Variants in ANKRD36C observed in about 807,000 individuals in gnomAD.
ANKRD36C encodes the protein ankyrin repeat domain 36C, also known as ankyrin repeat domain-containing protein 36C.
In ANKRD36C, 61 loss-of-function variants were observed where a neutral mutation model predicts 276.4. That is an observed-to-expected ratio of 0.22 (90% confidence interval 0.18 to 0.27). The LOEUF (loss-of-function observed/expected upper bound fraction) is 0.27, where lower values mean the gene tolerates loss of function less well. Among genes scored for constraint, ANKRD36C ranks in the 10% least tolerant of loss-of-function variants. ANKRD36C has a pLI of 1.00. For synonymous variants in ANKRD36C, 483 were observed against 680.1 expected (o/e 0.71, Z 4.51); for missense variants, 1,447 against 2,032.3 (o/e 0.71, Z 5.54).
intron 36 of ANKRD36C, 34 bp from the exon 39 acceptor site, chr2:95,916,205 C>G (rs748643708): frequency 1.9e-6 from 3 of 1,601,582 alleles, no homozygotes; most frequent in East Asian, 4.5e-5. Context: ...ATCACTCACT[C>G]GTAAATATGA....
At chr2:95,937,529 G>A (rs1183697610) in intron 22 of ANKRD36C, among the ~76,000 whole-genome samples, 18 of 150,338 alleles carry the variant, frequency 1.2e-4, no homozygotes, top group African/African-American at 4.3e-4. Context: ...GCATTATAGA[G>A]CATTTCTTCA....
At chr2:95,912,748 G>A (rs1179559082) in intron 40 of ANKRD36C, among the ~76,000 whole-genome samples, 5 of 151,384 alleles carry the variant, frequency 3.3e-5, no homozygotes, top group African/African-American at 4.8e-5. Flanking sequence ...AAAATCAGAG[G>A]AGCAACTCAT....
At chr2:95,921,313 A>G (rs1225322005) in intron 34 of ANKRD36C, among the ~76,000 whole-genome samples, 1 of 150,902 alleles carries the variant, frequency 6.6e-6, no homozygotes, top group African/African-American at 2.5e-5. Context: ...CTGTAGAATT[A>G]AAGCAAAACT....
intron 49 of ANKRD36C, 23 bp downstream of exon 69, chr2:95,888,069 A>C: frequency 6.2e-7 from 1 of 1,609,826 alleles, no homozygotes; most frequent in Non-Finnish European, 8.5e-7. Context: ...AATAGTTCAC[A>C]ATATAAATGA....
At chr2:95,859,218 G>A (rs1675502446) in intron 61 of ANKRD36C, among the ~76,000 whole-genome samples, 1 of 151,986 alleles carries the variant, frequency 6.6e-6, no homozygotes, top group African/African-American at 2.4e-5. Context: ...ATTTTTAGTA[G>A]AGATAGCATT....
intron 32 of ANKRD36C, 142 bp from the exon 33 acceptor site, chr2:95,921,952 G>C: frequency 1.1e-6 from 1 of 898,622 alleles, no homozygotes; most frequent in South Asian, 2.2e-5. Context: ...TAAGCCAGGA[G>C]CATGACAGAA....
intron 66 of ANKRD36C, 56 bp from the exon 87 acceptor site, chr2:95,851,251 T>C (rs1378791819): frequency 1.4e-5 from 17 of 1,206,712 alleles, no homozygotes; most frequent in Non-Finnish European, 1.8e-5. Context: ...GACATTATCA[T>C]GTAAACCCAC....
rs1324910628 is a variant in ANKRD36C at position 95,933,757 on chromosome 2, C to G, written c.1735+1697G>C. Among the ~76,000 whole-genome samples the G allele has an allele frequency of 2.7e-5, 4 of 146,286 alleles. No homozygotes were observed. The South Asian group carries it at 8.7e-4, about 32-fold the overall frequency. ...CTTCCTTTCTTCCTATTTGAATACC[C>G]TTTATTTTTTCCTCTTGTCTGATTG... On this transcript the variant is annotated intron_variant, in intron 24 of 66. Transcript: ENST00000456556.
exon 41 of ANKRD36C, chr2:95,912,408 T>C (rs1404325741): frequency 1.2e-6 from 2 of 1,604,334 alleles, no homozygotes. Context: ...TTTCATTACC[T>C]TCAAGGCTGG....
rs368211259 is a variant in ANKRD36C at position 95,902,799 on chromosome 2, C to T, written c.2654-3463G>A. ...ACTGCTGAATCAGAATGTGCAGCTT[C>T]AACGAGCCCCCCGCTGATTTATTCA... On this transcript the variant is annotated intron_variant, in intron 42 of 66. Transcript: ENST00000456556. The T allele has an allele frequency of 4.9e-6, 7 of 1,423,834 alleles. No individual in the cohort carries two copies. The East Asian group carries it at 7.7e-5, about 16-fold the overall frequency. 88.2% of individuals were successfully genotyped at this position (1,423,834 alleles called of 1,614,324 possible).
intron 20 of ANKRD36C, among the ~76,000 whole-genome samples, chr2:95,939,614 A>C: frequency 6.6e-6 from 1 of 152,312 alleles, no homozygotes; most frequent in South Asian, 2.1e-4. Context: ...CTGAGGCAGG[A>C]GAATGGCGTG....
chr2:95,894,832 G>C (rs1318795333), intron 44 of ANKRD36C, among the ~76,000 whole-genome samples: 1 of 151,156 alleles, frequency 6.6e-6, no homozygotes, highest in Non-Finnish European at 1.5e-5. Context: ...ATCAAATATT[G>C]TTTATGGAAA....
At chr2:95,849,022 T>G (rs1276340989), downstream of ANKRD36C, among the ~76,000 whole-genome samples, 1 of 152,120 alleles carries the variant, frequency 6.6e-6, no homozygotes, top group Admixed American at 6.5e-5. Flanking sequence ...TAATACAATT[T>G]TATTGTCTTT....
At chr2:95,971,267 T>A (rs541299482) in intron 6 of ANKRD36C, among the ~76,000 whole-genome samples, 3 of 139,612 alleles carry the variant, frequency 2.1e-5, no homozygotes, top group Non-Finnish European at 3.2e-5. Context: ...TTATTATACA[T>A]TTGTCCAGCT....
intron 26 of ANKRD36C, 99 bp downstream of exon 26, chr2:95,928,973 A>G: frequency 1.9e-6 from 3 of 1,554,176 alleles, no homozygotes; most frequent in South Asian, 2.3e-5. Context: ...CTGAATCAGA[A>G]CATGCAGCTT....
At chr2:95,913,380 A>G (rs1676992528) in intron 40 of ANKRD36C, among the ~76,000 whole-genome samples, 1 of 151,418 alleles carries the variant, frequency 6.6e-6, no homozygotes, top group Non-Finnish European at 1.5e-5. Flanking sequence ...AAGCAAATTT[A>G]TTCATATTCA....
chr2:95,979,895 A>T (rs1678882506), intron 5 of ANKRD36C, among the ~76,000 whole-genome samples: 1 of 152,018 alleles, frequency 6.6e-6, no homozygotes, highest in African/African-American at 2.4e-5. Flanking sequence ...ATGTATGTTG[A>T]TAAAGTTAGA....
intron 6 of ANKRD36C, among the ~76,000 whole-genome samples, chr2:95,965,127 C>T (rs1208618681): frequency 6.6e-6 from 1 of 151,528 alleles, no homozygotes; most frequent in African/African-American, 2.4e-5. Context: ...GAGCAGAGTG[C>T]CATGAGACAG....
intron 59 of ANKRD36C, among the ~76,000 whole-genome samples, chr2:95,875,300 C>T (rs909372933): frequency 7.9e-5 from 12 of 151,846 alleles, no homozygotes; most frequent in African/African-American, 2.9e-4. Flanking sequence ...ACAATGATAA[C>T]CTGGATTAAG....
Sources: gnomAD v4.1 joint callset for allele counts (sites outside exome capture counted in the v4.1 genomes callset) on GRCh38, gnomAD v4.1.1 for gene constraint, MANE v1.5 for transcripts, NCBI Gene and HGNC (gene_info 2026-07-23, HGNC 2026-07-21) for gene names.